SKIC3: variants seen among roughly 807,000 people sequenced by gnomAD.
SKIC3 encodes SKI3 subunit of superkiller complex.
the SKIC3 span, among the ~76,000 whole-genome samples, chr5:95,530,673 G>A: frequency 6.6e-6 from 1 of 152,136 alleles, no homozygotes; most frequent in Non-Finnish European, 1.5e-5. Flanking sequence ...AGATAGGCGG[G>A]TTACTCATCA....
chr5:95,528,006 A>G, the SKIC3 span: 123 of 1,613,374 alleles, frequency 7.6e-5, 1 homozygote, highest in Non-Finnish European at 1.0e-4. Context: ...AAACTTGACA[A>G]GTCTACCTGA....
chr5:95,547,228 T>C, the SKIC3 span: 1 of 1,304,992 alleles, frequency 7.7e-7, no homozygotes, highest in South Asian at 1.2e-5. Context: ...CTTAGCCATC[T>C]GAAAAGGGAC....
the SKIC3 span, chr5:95,506,836 C>CTACT: frequency 5.1e-6 from 6 of 1,182,348 alleles, no homozygotes; most frequent in East Asian, 1.2e-4. Context: ...CTACATGTAC[C>CTACT]AGTATTCTAG....
chr5:95,545,335 C>T, the SKIC3 span, among the ~76,000 whole-genome samples: 1 of 152,062 alleles, frequency 6.6e-6, no homozygotes, highest in African/African-American at 2.4e-5. Flanking sequence ...CATCAGTCAC[C>T]ACCAGAAACC....
At chr5:95,521,696 T>G in the SKIC3 span, among the ~76,000 whole-genome samples, 1 of 152,132 alleles carries the variant, frequency 6.6e-6, no homozygotes, top group African/African-American at 2.4e-5. Flanking sequence ...AATGAGCTTG[T>G]ATAACTTACA....
the SKIC3 span, chr5:95,543,246 G>C: frequency 6.2e-7 from 1 of 1,613,934 alleles, no homozygotes; most frequent in East Asian, 2.2e-5. Flanking sequence ...CTCTGGGCCT[G>C]ATCAGGTTGT....
chr5:95,540,792 C>CT, the SKIC3 span: 1 of 1,614,020 alleles, frequency 6.2e-7, no homozygotes, highest in Non-Finnish European at 8.5e-7. Context: ...CACCTTGTTC[C>CT]TGCCGTGTTT....
the SKIC3 span, chr5:95,494,617 C>T: frequency 1.3e-6 from 2 of 1,502,126 alleles, no homozygotes; most frequent in East Asian, 4.5e-5. Context: ...ATTTTTCCCC[C>T]ACTTACAAAA....
chr5:95,542,673 T>A, the SKIC3 span, among the ~76,000 whole-genome samples: 3 of 152,208 alleles, frequency 2.0e-5, no homozygotes, highest in African/African-American at 2.4e-5. Context: ...CAGGGCCTAC[T>A]ACATCGTATT....
chr5:95,546,969 G>A, the SKIC3 span: 1 of 1,332,182 alleles, frequency 7.5e-7, no homozygotes, highest in South Asian at 1.2e-5. Flanking sequence ...CACTTTTGCT[G>A]TTTGGACAGG....
At chr5:95,509,783 C>T in the SKIC3 span, 150 of 797,166 alleles carry the variant, frequency 1.9e-4, 1 homozygote, top group African/African-American at 2.0e-3. Flanking sequence ...TATCAGATTA[C>T]CTCTTGAGAT....
chr5:95,516,358 T>C, the SKIC3 span: 2 of 1,613,038 alleles, frequency 1.2e-6, no homozygotes, highest in Admixed American at 1.7e-5. Flanking sequence ...TTTACCTCAA[T>C]GTTTTCATTT....
At chr5:95,506,681 T>C in the SKIC3 span, among the ~76,000 whole-genome samples, 1 of 152,294 alleles carries the variant, frequency 6.6e-6, no homozygotes, top group East Asian at 1.9e-4. Flanking sequence ...TTAGAGACAG[T>C]CACTACCTCT....
At chr5:95,519,337 G>A in the SKIC3 span, among the ~76,000 whole-genome samples, 1 of 151,966 alleles carries the variant, frequency 6.6e-6, no homozygotes, top group African/African-American at 2.4e-5. Flanking sequence ...AAGCTGCTAT[G>A]TTACTGGCAG....
At chr5:95,548,058 T>A in the SKIC3 span, among the ~76,000 whole-genome samples, 1 of 152,084 alleles carries the variant, frequency 6.6e-6, no homozygotes, top group African/African-American at 2.4e-5. Context: ...ATATATTAAT[T>A]TTAAATAAAT....
chr5:95,530,056 C>G, the SKIC3 span: 2 of 1,608,468 alleles, frequency 1.2e-6, no homozygotes, highest in Non-Finnish European at 1.7e-6. Context: ...AATAATTATA[C>G]TTCACGTTAC....
At chr5:95,514,202 T>C in the SKIC3 span, among the ~76,000 whole-genome samples, 1 of 152,226 alleles carries the variant, frequency 6.6e-6, no homozygotes, top group Non-Finnish European at 1.5e-5. Flanking sequence ...TAATTCATTA[T>C]AATTTCTCAA....
the SKIC3 span, chr5:95,494,647 AG>A: frequency 2.5e-6 from 4 of 1,595,348 alleles, no homozygotes; most frequent in Non-Finnish European, 1.7e-6. Flanking sequence ...AGAAAAAAAA[AG>A]AATTGGAATT....
chr5:95,472,047 A>G, the SKIC3 span, among the ~76,000 whole-genome samples: 3 of 152,134 alleles, frequency 2.0e-5, no homozygotes, highest in Non-Finnish European at 4.4e-5. Context: ...AATCTAGCAA[A>G]TGTATTCTAT....
Sources: gnomAD v4.1 joint callset for allele counts (sites outside exome capture counted in the v4.1 genomes callset) on GRCh38, gnomAD v4.1.1 for gene constraint, MANE v1.5 for transcripts, NCBI Gene and HGNC (gene_info 2026-07-23, HGNC 2026-07-21) for gene names.